COX6C: variants seen among roughly 807,000 people sequenced by gnomAD.
COX6C encodes cytochrome c oxidase subunit 6C, also known as cytochrome c oxidase polypeptide VIc.
A neutral mutation model predicts 6.9 loss-of-function variants in COX6C; 3 were observed. The ratio of observed to expected loss-of-function variants is 0.43; its 90% CI spans 0.20 to 1.12. The LOEUF (loss-of-function observed/expected upper bound fraction) is 1.12. COX6C is among the 50% of genes most tolerant of loss of function. The probability of loss-of-function intolerance (pLI) is 0.27; values close to 1 mark genes in which losing one functional copy is unlikely to be tolerated. For missense variants in COX6C, 101 were observed against 97.3 expected (o/e 1.04, Z -0.16); for synonymous variants, 32 against 32.0 (o/e 1.00, Z 0.00).
chr8:99,887,540 TCTC>T lies in COX6C; in HGVS notation c.190_192del (p.Glu64del). On this transcript the variant is annotated inframe_deletion, in exon 3 of 4. Transcript: ENST00000520468. ...CTCTGAAAGATACCAGCCTTCCTCA[TCTC>T]CTCAAAATCTTTCATGACATCGTAG... 1.2e-6 allele frequency: 2 copies of T among 1,609,090 alleles called. No individual in the cohort carries two copies. The highest frequency in any genetic ancestry group is 1.7e-6 in the Non-Finnish European group (2 of 1,178,168).
rs548836736 is a variant in COX6C at position 99,890,113 on chromosome 8, GAAGA to G, written c.114+1791_114+1794del. On this transcript the variant is annotated intron_variant, in intron 2 of 3. Transcript: ENST00000520468. Reference sequence around the variant, plus strand: ...CATCTCAAAAAAACAAAAAAAAAAAGAAGAAAGGCCCAGCTAATTTTTGTATTTT... The same window carrying G: ...CATCTCAAAAAAACAAAAAAAAAAAGAAGGCCCAGCTAATTTTTGTATTTT... 3.3e-5 allele frequency among the ~76,000 whole-genome samples: 5 copies of G among 151,332 alleles called. No individual in the cohort carries two copies. In the Middle Eastern group the frequency reaches 0.014, roughly 415 times the overall value.
chr8:99,884,176 A>G (rs1817909290), intron 3 of COX6C, among the ~76,000 whole-genome samples: 1 of 152,192 alleles, frequency 6.6e-6, no homozygotes, highest in South Asian at 2.1e-4. Context: ...ACATCCAAAA[A>G]GGAAAGGAGT....
At chr8:99,884,543 C>T (rs139134929) in intron 3 of COX6C, among the ~76,000 whole-genome samples, 3 of 152,142 alleles carry the variant, frequency 2.0e-5, no homozygotes, top group Admixed American at 2.0e-4. Flanking sequence ...AGAATATACA[C>T]ATAAGGAAGT....
intron 2 of COX6C, among the ~76,000 whole-genome samples, chr8:99,891,645 A>G (rs767306649): frequency 3.9e-5 from 6 of 152,192 alleles, no homozygotes; most frequent in Non-Finnish European, 7.4e-5. Context: ...GCCTCAGAAG[A>G]TATCAACCCT....
intron 1 of COX6C, among the ~76,000 whole-genome samples, chr8:99,892,736 C>G (rs938336882): frequency 6.6e-6 from 1 of 151,784 alleles, no homozygotes; most frequent in Non-Finnish European, 1.5e-5. Flanking sequence ...AACTGCGGCA[C>G]ACTAGTAATG....
chr8:99,886,480 A>T (rs1817944420), intron 3 of COX6C: 1 of 152,206 alleles, frequency 6.6e-6, no homozygotes, highest in African/African-American at 2.4e-5. Context: ...TTAAGAAATT[A>T]AAAATCATAT....
At chr8:99,888,016 G>A (rs919987965) in intron 2 of COX6C, among the ~76,000 whole-genome samples, 5 of 149,346 alleles carry the variant, frequency 3.3e-5, no homozygotes, top group East Asian at 2.0e-4. Context: ...GCGTGAACCC[G>A]GGAGACGGAG....
chr8:99,883,569 T>C (rs1248222088), intron 3 of COX6C, among the ~76,000 whole-genome samples: 2 of 151,878 alleles, frequency 1.3e-5, no homozygotes, highest in Non-Finnish European at 2.9e-5. Flanking sequence ...CCCAAAGTGC[T>C]GGGATTACAG....
At chr8:99,881,590 T>C (rs1178549500) in intron 3 of COX6C, among the ~76,000 whole-genome samples, 3 of 152,186 alleles carry the variant, frequency 2.0e-5, no homozygotes, top group Admixed American at 2.0e-4. Flanking sequence ...GTTCTAACTT[T>C]AGCATATTTC....
At chr8:99,883,744 A>C (rs1817903856) in intron 3 of COX6C, among the ~76,000 whole-genome samples, 1 of 152,208 alleles carries the variant, frequency 6.6e-6, no homozygotes, top group Admixed American at 6.5e-5. Flanking sequence ...CAAATCCTTT[A>C]ACACAGATGC....
At chr8:99,889,520 G>A (rs2131010165) in intron 2 of COX6C, among the ~76,000 whole-genome samples, 1 of 151,914 alleles carries the variant, frequency 6.6e-6, no homozygotes, top group Admixed American at 6.6e-5. Flanking sequence ...CGAGCAGCTG[G>A]GATTACAGGT....
chr8:99,880,266 A>G (rs376233908), intron 3 of COX6C, among the ~76,000 whole-genome samples: 7 of 152,264 alleles, frequency 4.6e-5, no homozygotes, highest in African/African-American at 1.7e-4. Context: ...AAAGAAAGAA[A>G]TCTCCACAAA....
At chr8:99,888,077 C>T (rs1349979703) in intron 2 of COX6C, among the ~76,000 whole-genome samples, 5 of 135,584 alleles carry the variant, frequency 3.7e-5, no homozygotes, top group Non-Finnish European at 6.2e-5. Flanking sequence ...GGGGACAGAG[C>T]GAGACTCTGT....
chr8:99,884,892 C>G (rs1243303693), intron 3 of COX6C, among the ~76,000 whole-genome samples: 1 of 152,172 alleles, frequency 6.6e-6, no homozygotes, highest in African/African-American at 2.4e-5. Flanking sequence ...GATTGGAATA[C>G]TTAATATTGT....
At chr8:99,892,678 T>TCCCCC (rs76610503) in intron 1 of COX6C, among the ~76,000 whole-genome samples, 17 of 151,202 alleles carry the variant, frequency 1.1e-4, no homozygotes, top group Non-Finnish European at 1.6e-4. Flanking sequence ...TGTTTCATCT[T>TCCCCC]CCCCCCGCCC....
chr8:99,890,873 A>T lies in COX6C; in HGVS notation c.114+1035T>A, dbSNP rs914861335. On this transcript the variant is annotated intron_variant, in intron 2 of 3. Transcript: ENST00000520468. ...TACTCAAGGTGTCAAACAGAACTAT[A>T]ATCGGCCCACCATTCCTGCACGTTC... Among the ~76,000 whole-genome samples the T allele has an allele frequency of 8.5e-5, 13 of 152,368 alleles. No individual in the cohort carries two copies. In the East Asian group the frequency reaches 2.1e-3, roughly 25 times the overall value.
chr8:99,891,911 A>G lies in COX6C; in HGVS notation c.111T>C (p.Tyr37=). ...ACAAAGTAAAAAACATACATACCTTATACAAAGCTGCAACCCCCAGGGATA... is the reference window on the plus strand; with the variant it reads ...ACAAAGTAAAAAACATACATACCTTGTACAAAGCTGCAACCCCCAGGGATA... ...FVLSLGVAAL[Y]KFRVADQRKK... The change falls in exon 2 of 4, where the codon TAT becomes TAC. Residue 37 remains tyrosine (Y), a synonymous_variant. Coordinates refer to ENST00000520468, the MANE Select transcript of COX6C (RefSeq NM_004374.4). 3 of 1,613,872 alleles carry G rather than the reference A, an allele frequency of 1.9e-6. No homozygotes were observed. In the South Asian group the frequency reaches 3.3e-5, roughly 18 times the overall value.
chr8:99,881,870 G>A (rs1222936196), intron 3 of COX6C, among the ~76,000 whole-genome samples: 1 of 152,106 alleles, frequency 6.6e-6, no homozygotes, highest in African/African-American at 2.4e-5. Context: ...TAGATCTAAG[G>A]ACACACAAGT....
intron 2 of COX6C, among the ~76,000 whole-genome samples, chr8:99,890,430 G>C (rs1477639663): frequency 1.3e-5 from 2 of 152,096 alleles, no homozygotes; most frequent in African/African-American, 4.8e-5. Flanking sequence ...AGTTCTTTAA[G>C]AACAGAGATT....
Sources: gnomAD v4.1 joint callset for allele counts (sites outside exome capture counted in the v4.1 genomes callset) on GRCh38, gnomAD v4.1.1 for gene constraint, MANE v1.5 for transcripts, NCBI Gene and HGNC (gene_info 2026-07-23, HGNC 2026-07-21) for gene names.